Variants in PTCD3 observed in about 807,000 individuals in gnomAD.
PTCD3 encodes small ribosomal subunit protein mS39.
A neutral mutation model predicts 101.9 loss-of-function variants in PTCD3; 89 were observed. That is an observed-to-expected ratio of 0.87 (90% CI 0.74 to 1.04). The LOEUF (loss-of-function observed/expected upper bound fraction) is 1.04, where lower values mean the gene tolerates loss of function less well. Ranked by LOEUF, PTCD3 falls within the 50% of genes least tolerant of loss-of-function variation. PTCD3 has a pLI of 0.00. For synonymous variants in PTCD3, 296 were observed against 278.5 expected (o/e 1.06, Z -0.63); for missense variants, 870 against 828.2 (o/e 1.05, Z -0.62).
rs1253955433 is a variant in PTCD3 at position 86,141,221 on chromosome 2, G to GTGCC, written c.*3662_*3663insTGCC. The GTGCC allele has an allele frequency of 6.6e-6, 1 of 152,118 alleles. No homozygotes were observed. Among genetic ancestry groups the GTGCC allele is most frequent in the African/African-American group, 2.4e-5 (1 of 41,418 alleles). 9.4% of individuals were successfully genotyped at this position (152,118 alleles called of 1,614,324 possible). ...TCCTCACATGGGTAAGAGTTGCAGT[G>GTGCC]GGCAGGTGACCCTCCTCCCTGCCCC... On this transcript the variant is annotated 3_prime_UTR_variant, in exon 24 of 24. Coordinates refer to ENST00000254630, the MANE Select transcript of PTCD3 (RefSeq NM_017952.6).
At position 86,108,536 on chromosome 2, in the gene PTCD3, G is replaced by T; in HGVS notation, c.194G>T (p.Trp65Leu). 6.3e-7 allele frequency: 1 copy of T among 1,594,282 alleles called. No homozygotes were observed. The highest frequency in any genetic ancestry group is 8.5e-7 in the Non-Finnish European group (1 of 1,173,894). The change falls in exon 3 of 24, where the codon TGG (tryptophan) becomes TTG (leucine). Residue 65 changes from tryptophan (W) to leucine (L), a missense_variant and splice_region_variant. Coordinates refer to ENST00000254630, the MANE Select transcript of PTCD3 (RefSeq NM_017952.6). ...EEVVIPKKKT[W>L]DKVAVLQALA... ...GTAGTAATTCCAAAAAAGAAAACTT[G>T]GTAAGTATTCTATCAGTGTTCATTC...
At position 86,107,075 on chromosome 2, in the gene PTCD3, G is replaced by A. The variant is rs1344793154; in HGVS notation, c.104+724G>A. On this transcript the variant is annotated intron_variant, in intron 1 of 23. Coordinates refer to ENST00000254630, the MANE Select transcript of PTCD3 (RefSeq NM_017952.6). ...CGAAAAGTTTGTGAGGTATAAGTGG[G>A]GTATGTAATTTACAATATGTTTTTA... The A allele has an allele frequency of 1.1e-5, 5 of 469,512 alleles. 1 individual carries two copies. The highest frequency in any genetic ancestry group is 2.4e-5 in the Admixed American group (1 of 42,338). 29.1% of individuals were successfully genotyped at this position (469,512 alleles called of 1,614,324 possible). A position where few individuals can be genotyped will look rare whatever the true frequency, so the allele number is the denominator to read the frequency against.
In PTCD3 at chr2:86,137,457, T is replaced by C; in HGVS notation, c.1980-12T>C. 3 of 1,613,254 alleles carry C rather than the reference T, an allele frequency of 1.9e-6. No individual in the cohort carries two copies. Among genetic ancestry groups the C allele is most frequent in the Non-Finnish European group, 2.5e-6 (3 of 1,179,798 alleles). Reference sequence around the variant, plus strand: ...AATTGCAGTGTAATCCTCCATTTTCTTTTCTTAACAGGGAAGCCCTAAGTA... The same window carrying C: ...AATTGCAGTGTAATCCTCCATTTTCCTTTCTTAACAGGGAAGCCCTAAGTA... On this transcript the variant is annotated splice_polypyrimidine_tract_variant and intron_variant, in intron 23 of 23. Coordinates refer to ENST00000254630, the MANE Select transcript of PTCD3 (RefSeq NM_017952.6).
intron 6 of PTCD3, 65 bp downstream of exon 6, chr2:86,117,224 A>G (rs1260437180): frequency 1.5e-6 from 1 of 651,456 alleles, no homozygotes; most frequent in Non-Finnish European, 2.8e-6. Context: ...CCAGGCTTTC[A>G]TGGCTAATAT....
chr2:86,123,521 G>C (rs1412664783), intron 8 of PTCD3, among the ~76,000 whole-genome samples, 180 bp from the exon 9 acceptor site: 4 of 152,144 alleles, frequency 2.6e-5, no homozygotes, highest in African/African-American at 9.7e-5. Context: ...CATCTGATTT[G>C]CACTTAAGAA....
chr2:86,132,025 A>G (rs754136081), intron 16 of PTCD3, among the ~76,000 whole-genome samples: 20 of 152,186 alleles, frequency 1.3e-4, no homozygotes, highest in Non-Finnish European at 2.8e-4. Context: ...GAGTTATTTC[A>G]TGGAGATTTT....
chr2:86,109,142 A>T (rs1157279340), intron 3 of PTCD3, among the ~76,000 whole-genome samples: 2 of 152,186 alleles, frequency 1.3e-5, no homozygotes, highest in African/African-American at 2.4e-5. Context: ...GCGGTGGCTT[A>T]CGCCTGTAAT....
At chr2:86,119,310 T>G (rs1386186846) in intron 7 of PTCD3, 3 of 425,610 alleles carry the variant, frequency 7.0e-6, no homozygotes, top group African/African-American at 6.3e-5. Flanking sequence ...AGCTTCTGTT[T>G]TTAATGTTAG....
chr2:86,115,706 A>C lies in PTCD3; in HGVS notation c.241-824A>C, dbSNP rs1286691830. Among the ~76,000 whole-genome samples the C allele has an allele frequency of 2.0e-5, 3 of 152,166 alleles. No individual in the cohort carries two copies. The East Asian group carries it at 5.8e-4, about 29-fold the overall frequency. On this transcript the variant is annotated intron_variant, in intron 4 of 23. Transcript: ENST00000254630. ...AGGCACTCAGACACAGAAGAGAATA[A>C]AGAAAGCAATTCTGGGGCATTTCTC...
chr2:86,137,734 A>T lies in PTCD3; in HGVS notation c.*175A>T. On this transcript the variant is annotated 3_prime_UTR_variant, in exon 24 of 24. Transcript: ENST00000254630. The stretch of plus-strand genomic sequence containing the variant: ...CTGACTTATGTAGATTTAAGCTGCT[A>T]ATATGCTACTTAACCATCTATTAAT... The T allele has an allele frequency of 1.2e-6, 1 of 826,420 alleles. No homozygotes were observed. Among genetic ancestry groups the T allele is most frequent in the South Asian group, 1.7e-5 (1 of 58,900 alleles). The allele number at this position is 826,420 out of a possible 1,614,324, so 51.2% of individuals were successfully genotyped here.
chr2:86,120,986 G>A (rs569643261), intron 7 of PTCD3, among the ~76,000 whole-genome samples: 2 of 152,288 alleles, frequency 1.3e-5, no homozygotes, highest in African/African-American at 4.8e-5. Flanking sequence ...TTTAATGAGT[G>A]TCAAGATGGG....
chr2:86,134,585 T>C (rs1306225073), intron 20 of PTCD3, among the ~76,000 whole-genome samples: 1 of 152,222 alleles, frequency 6.6e-6, no homozygotes, highest in Non-Finnish European at 1.5e-5. Context: ...AACATGAAAT[T>C]AGCTTCTGTC....
rs1396320628 is a variant in PTCD3 at position 86,134,464 on chromosome 2, A to G, written c.1629+87A>G. 4 of 1,105,498 alleles carry G rather than the reference A, an allele frequency of 3.6e-6. No individual in the cohort carries two copies. In the African/African-American group the frequency reaches 6.2e-5, roughly 17 times the overall value. 68.5% of individuals were successfully genotyped at this position (1,105,498 alleles called of 1,614,324 possible). A position where few individuals can be genotyped will look rare whatever the true frequency, so the allele number is the denominator to read the frequency against. On this transcript the variant is annotated intron_variant, in intron 20 of 23. Transcript: ENST00000254630. ...TCCCTGGTTTTATCTGCCATTTTGG[A>G]GAGTTCTGCTACCCAAACCCATATT...
At chr2:86,113,406 C>CT in intron 4 of PTCD3, among the ~76,000 whole-genome samples, 1 of 152,174 alleles carries the variant, frequency 6.6e-6, no homozygotes, top group East Asian at 1.9e-4. Context: ...ATAATTAAGT[C>CT]TTTTTTTCTG....
intron 14 of PTCD3, among the ~76,000 whole-genome samples, chr2:86,128,329 T>G (rs1010593397): frequency 6.6e-6 from 1 of 151,718 alleles, no homozygotes; most frequent in Non-Finnish European, 1.5e-5. Flanking sequence ...GCAATCTTGT[T>G]TGTGGTCTAA....
At chr2:86,109,683 C>T (rs530556399) in intron 3 of PTCD3, among the ~76,000 whole-genome samples, 1 of 152,306 alleles carries the variant, frequency 6.6e-6, no homozygotes, top group South Asian at 2.1e-4. Context: ...TGGTTAGCCA[C>T]TTTGGAGGAA....
intron 21 of PTCD3, 23 bp downstream of exon 21, chr2:86,135,010 A>G: frequency 1.9e-6 from 3 of 1,600,784 alleles, no homozygotes; most frequent in East Asian, 2.2e-5. Flanking sequence ...CCACAAGTAT[A>G]CACTTTAGAA....
chr2:86,133,192 A>G lies in PTCD3; in HGVS notation c.1388A>G (p.Asp463Gly), dbSNP rs1248245105. ...CTTCATCACAGTTCCAAGTTCTTCG[A>G]TTTGATTTGTCTAATGGAACAAATT... Reference protein sequence around the residue: ...HRNFYYSKFFDLICLMEQIDV... With the variant: ...HRNFYYSKFFGLICLMEQIDV... Residue 463 changes from aspartate to glycine, a missense_variant, in exon 18 of 24, where the codon GAT becomes GGT. Physicochemically the swap from Asp to Gly is moderately conservative, Grantham distance 94. Coordinates refer to ENST00000254630, the MANE Select transcript of PTCD3 (RefSeq NM_017952.6). 1 of 1,613,884 alleles carries G rather than the reference A, an allele frequency of 6.2e-7. No individual in the cohort carries two copies. The highest frequency in any genetic ancestry group is 8.5e-7 in the Non-Finnish European group (1 of 1,179,944).
intron 1 of PTCD3, 144 bp downstream of exon 1, chr2:86,106,495 C>CGGA (rs1673952818): frequency 1.6e-5 from 11 of 708,364 alleles, no homozygotes; most frequent in Non-Finnish European, 2.6e-5. Context: ...ACCAGGTACG[C>CGGA]GGAGGTGGCC....
Sources: allele counts gnomAD v4.1 joint callset (sites outside exome capture counted in the v4.1 genomes callset), GRCh38; gene constraint gnomAD v4.1.1; transcripts MANE v1.5; gene names NCBI Gene and HGNC (gene_info 2026-07-23, HGNC 2026-07-21).